The following DMD variants were observed in gnomAD, a reference collection of about 807,000 sequenced individuals.
The protein encoded by DMD is mutant dystrophin.
Under a neutral mutation model 330.1 loss-of-function variants are expected in DMD, and 63 were observed. The ratio of observed to expected loss-of-function variants is 0.19; its 90% CI spans 0.16 to 0.24. The LOEUF is 0.24. DMD is among the 10% of genes least tolerant of loss of function. The pLI, the probability that DMD is intolerant of heterozygous loss-of-function variation, is 1.00. For missense variants in DMD, 3,344 were observed against 2,684.1 expected (o/e 1.25, Z -5.43); for synonymous variants, 1,223 against 959.8 (o/e 1.27, Z -5.07).
chrX:32,892,831 A>G (rs951791275), intron 2 of DMD, among the ~76,000 whole-genome samples: 1 of 112,166 alleles, frequency 8.9e-6, no homozygotes, highest in Non-Finnish European at 1.9e-5. Context: ...TCTGGCCACA[A>G]TGATCGTGTA....
intron 36 of DMD, among the ~76,000 whole-genome samples, chrX:32,364,036 G>T (rs2097846110): frequency 9.0e-6 from 1 of 111,657 alleles, no homozygotes; most frequent in African/African-American, 3.3e-5. Flanking sequence ...CCTTGAAAAA[G>T]AAGACAGGGC....
At chrX:32,639,164 G>A (rs962114690) in intron 11 of DMD, among the ~76,000 whole-genome samples, 1 of 112,048 alleles carries the variant, frequency 8.9e-6, no homozygotes, top group Non-Finnish European at 1.9e-5. Flanking sequence ...GGAACTTGCT[G>A]TGCTTAACTT....
chrX:31,321,583 C>CAAAAAAAAAAAAAAAAAAAAAAAAAAAA (rs1190446358), intron 62 of DMD, among the ~76,000 whole-genome samples: 2 of 10,472 alleles, frequency 1.9e-4, no homozygotes, highest in Non-Finnish European at 3.0e-4. Context: ...AACTCCATCT[C>CAAAAAAAAAAAAAAAAAAAAAAAAAAAA]AAAAAAAAAA....
At chrX:32,802,389 A>T (rs147580511) in intron 7 of DMD, among the ~76,000 whole-genome samples, 1,223 of 112,001 alleles carry the variant, frequency 0.011, 9 homozygotes, top group Middle Eastern at 0.019. Context: ...TATCAGCTTA[A>T]GGAGATTTTC....
chrX:32,371,843 T>C (rs1032065126), intron 34 of DMD, among the ~76,000 whole-genome samples: 1 of 111,678 alleles, frequency 9.0e-6, no homozygotes, highest in African/African-American at 3.2e-5. Context: ...GACTACAGAC[T>C]GTAGTAGGTG....
chrX:31,282,713 T>G (rs1271359435), intron 62 of DMD, among the ~76,000 whole-genome samples: 1 of 111,588 alleles, frequency 9.0e-6, no homozygotes, highest in Non-Finnish European at 1.9e-5. Context: ...AGAACATTTC[T>G]CATCTTTGTA....
intron 47 of DMD, among the ~76,000 whole-genome samples, chrX:31,908,383 C>T (rs1400336735): frequency 9.0e-6 from 1 of 111,180 alleles, no homozygotes; most frequent in African/African-American, 3.3e-5. Flanking sequence ...TACTACGCAA[C>T]CATAAAAAAG....
intron 9 of DMD, among the ~76,000 whole-genome samples, chrX:32,663,634 G>T (rs2061092163): frequency 9.0e-6 from 1 of 111,398 alleles, no homozygotes; most frequent in Non-Finnish European, 1.9e-5. Flanking sequence ...ACTATTTTAG[G>T]CAATGATGAT....
intron 44 of DMD, among the ~76,000 whole-genome samples, chrX:32,200,210 C>T (rs932931631): frequency 1.4e-4 from 16 of 110,498 alleles, no homozygotes; most frequent in African/African-American, 3.0e-4. Context: ...CTTTTTCCTC[C>T]GCTCCCTGCT....
intron 2 of DMD, among the ~76,000 whole-genome samples, chrX:32,962,011 A>G (rs987904081): frequency 3.6e-5 from 4 of 112,102 alleles, no homozygotes; most frequent in African/African-American, 1.3e-4. Context: ...TGACAACAGC[A>G]TACAATAATA....
chrX:32,927,771 A>T (rs896969259), intron 2 of DMD, among the ~76,000 whole-genome samples: 11 of 111,285 alleles, frequency 9.9e-5, no homozygotes, highest in Non-Finnish European at 2.1e-4. Flanking sequence ...GAACATTTAT[A>T]TCCCTAATAG....
chrX:32,033,150 C>G (rs529376947), intron 44 of DMD, among the ~76,000 whole-genome samples: 198 of 111,780 alleles, frequency 1.8e-3, no homozygotes, highest in Non-Finnish European at 3.2e-3. Context: ...CATGATTCCA[C>G]TTACTTGAAA....
chrX:31,950,723 T>C (rs2095150417), intron 45 of DMD, among the ~76,000 whole-genome samples: 1 of 111,040 alleles, frequency 9.0e-6, no homozygotes, highest in Admixed American at 9.6e-5. Flanking sequence ...TGACCCCTTA[T>C]ATAATTAAAA....
intron 4 of DMD, among the ~76,000 whole-genome samples, chrX:32,836,278 C>T (rs748814850): frequency 1.3e-4 from 14 of 110,098 alleles, no homozygotes; most frequent in South Asian, 3.9e-4. Flanking sequence ...GTGATCTGCC[C>T]GCCCCAGCCT....
chrX:31,741,324 T>C (rs755216546), intron 51 of DMD, among the ~76,000 whole-genome samples: 1 of 111,952 alleles, frequency 8.9e-6, no homozygotes, highest in African/African-American at 3.2e-5. Flanking sequence ...GACTTTCCGT[T>C]TTCAGTTTAC....
chrX:31,554,557 T>C (rs2074688254), intron 55 of DMD, among the ~76,000 whole-genome samples: 1 of 111,724 alleles, frequency 9.0e-6, no homozygotes, highest in Non-Finnish European at 1.9e-5. Flanking sequence ...GGCCAGGCAG[T>C]GGCCCTATGT....
At chrX:31,944,389 GAAGA>G (rs1202904470) in intron 45 of DMD, among the ~76,000 whole-genome samples, 1 of 111,494 alleles carries the variant, frequency 9.0e-6, no homozygotes, top group Non-Finnish European at 1.9e-5. Flanking sequence ...TTCTGTTGTA[GAAGA>G]GATAGTTTAA....
intron 9 of DMD, among the ~76,000 whole-genome samples, chrX:32,693,861 G>A (rs1230828399): frequency 1.8e-5 from 2 of 111,470 alleles, no homozygotes; most frequent in African/African-American, 6.5e-5. Context: ...CACTGAAATT[G>A]TTCTTATTAA....
intron 44 of DMD, among the ~76,000 whole-genome samples, chrX:32,111,727 C>T (rs1370990846): frequency 1.8e-5 from 2 of 111,346 alleles, no homozygotes; most frequent in Admixed American, 9.6e-5. Context: ...CTTTCCATAC[C>T]TCACACAATC....
Sources: gnomAD v4.1 joint callset for allele counts (sites outside exome capture counted in the v4.1 genomes callset) on GRCh38, gnomAD v4.1.1 for gene constraint, MANE v1.5 for transcripts, NCBI Gene and HGNC (gene_info 2026-07-23, HGNC 2026-07-21) for gene names.